The following ARHGAP20 variants were observed in gnomAD, a reference collection of about 807,000 sequenced individuals.
ARHGAP20 encodes rho GTPase-activating protein 20.
In ARHGAP20, 34 loss-of-function variants were observed where a neutral mutation model predicts 73.7. The ratio of observed to expected loss-of-function variants is 0.46; its 90% CI spans 0.35 to 0.61. The LOEUF (loss-of-function observed/expected upper bound fraction) is 0.61, where lower values mean the gene tolerates loss of function less well. Among genes scored for constraint, ARHGAP20 ranks in the 20% least tolerant of loss-of-function variants. The pLI, the probability that ARHGAP20 is intolerant of heterozygous loss-of-function variation, is 0.00. For synonymous variants in ARHGAP20, 523 were observed against 518.2 expected (o/e 1.01, Z -0.13); for missense variants, 1,314 against 1,420.9 (o/e 0.92, Z 1.21).
chr11:110,639,320 C>A (rs1032505674), intron 2 of ARHGAP20, among the ~76,000 whole-genome samples: 2 of 151,140 alleles, frequency 1.3e-5, no homozygotes, highest in Non-Finnish European at 3.0e-5. Flanking sequence ...CTTCTTTACT[C>A]TGTCTACTGA....
chr11:110,644,944 A>C (rs560251752), intron 2 of ARHGAP20, among the ~76,000 whole-genome samples: 1 of 152,228 alleles, frequency 6.6e-6, no homozygotes, highest in South Asian at 2.1e-4. Flanking sequence ...ATCAACAAAC[A>C]AAATCAAATA....
intron 2 of ARHGAP20, among the ~76,000 whole-genome samples, chr11:110,638,315 C>T (rs1360809469): frequency 6.6e-6 from 1 of 151,702 alleles, no homozygotes; most frequent in Non-Finnish European, 1.5e-5. Context: ...TATCTATAAG[C>T]AAATATTCAA....
At position 110,614,598 on chromosome 11, in the gene ARHGAP20, AG is replaced by A. The variant is rs1948443382; in HGVS notation, c.592del (p.Leu198SerfsTer17). On this transcript the variant is annotated frameshift_variant, in exon 6 of 15. Transcript: ENST00000683387. LOFTEE classifies it high-confidence loss of function. ...KEKDYPKSIPLKIFAKDIGNC... is the reference protein window; with the variant it reads ...KEKDYPKSIPXKIFAKDIGNC... ...CCCAATGTCCTTGGCGAAGATTTTGAGGGGAATGCTCTTCGGGTAGTCCTTT... is the reference window on the plus strand; with the variant it reads ...CCCAATGTCCTTGGCGAAGATTTTGAGGGAATGCTCTTCGGGTAGTCCTTT... 1 of 1,613,014 alleles carries A rather than the reference AG, an allele frequency of 6.2e-7. No individual in the cohort carries two copies. Among genetic ancestry groups the A allele is most frequent in the Non-Finnish European group, 8.5e-7 (1 of 1,179,602 alleles).
chr11:110,676,865 CATG>C (rs535766280), intron 2 of ARHGAP20, among the ~76,000 whole-genome samples: 65 of 151,726 alleles, frequency 4.3e-4, no homozygotes, highest in African/African-American at 1.5e-3. Context: ...TGGTGTATAA[CATG>C]ATATTTTGAT....
At chr11:110,651,159 G>A (rs1025340051) in intron 2 of ARHGAP20, among the ~76,000 whole-genome samples, 1 of 152,124 alleles carries the variant, frequency 6.6e-6, no homozygotes, top group Admixed American at 6.6e-5. Flanking sequence ...ATGAAATTGA[G>A]GCAGAATCAA....
chr11:110,640,638 A>T (rs1338477926), intron 2 of ARHGAP20, among the ~76,000 whole-genome samples: 1 of 152,014 alleles, frequency 6.6e-6, no homozygotes, highest in Non-Finnish European at 1.5e-5. Context: ...AGAAAGTACT[A>T]TTACATTCTA....
intron 2 of ARHGAP20, among the ~76,000 whole-genome samples, chr11:110,635,593 A>G (rs1171147182): frequency 1.3e-5 from 2 of 152,112 alleles, no homozygotes; most frequent in Non-Finnish European, 2.9e-5. Flanking sequence ...TACCCCTTTC[A>G]AGAAGCGAAG....
intron 1 of ARHGAP20, chr11:110,690,881 T>C: frequency 9.0e-7 from 1 of 1,108,908 alleles, no homozygotes; most frequent in South Asian, 1.6e-5. Context: ...AGGTTAAATG[T>C]TTACCAGAAT....
At chr11:110,683,678 A>C (rs1046811750) in intron 2 of ARHGAP20, among the ~76,000 whole-genome samples, 6 of 152,172 alleles carry the variant, frequency 3.9e-5, no homozygotes, top group African/African-American at 1.4e-4. Flanking sequence ...TATGCCCCAT[A>C]AATATGTACA....
chr11:110,629,069 T>C (rs1480449174), intron 3 of ARHGAP20, among the ~76,000 whole-genome samples: 1 of 152,198 alleles, frequency 6.6e-6, no homozygotes, highest in Non-Finnish European at 1.5e-5. Flanking sequence ...AAATACATTC[T>C]TCCCTAAGAG....
At chr11:110,590,367 C>A (rs1194749750) in intron 11 of ARHGAP20, among the ~76,000 whole-genome samples, 5 of 152,042 alleles carry the variant, frequency 3.3e-5, no homozygotes, top group African/African-American at 4.8e-5. Context: ...TTTAAACTTA[C>A]AATTTTTATT....
At chr11:110,657,920 GAGGAAGGA>G (rs3044293) in intron 2 of ARHGAP20, among the ~76,000 whole-genome samples, 35,714 of 133,974 alleles carry the variant, frequency 0.27, 4,707 homozygotes, top group South Asian at 0.36. Context: ...AAAAGAGAGA[GAGGAAGGA>G]AGGAAGGAAG....
chr11:110,591,902 G>T, intron 10 of ARHGAP20, 75 bp downstream of exon 10: 1 of 1,461,730 alleles, frequency 6.8e-7, no homozygotes, highest in Non-Finnish European at 9.3e-7. Context: ...TCCATTTGGG[G>T]ACAGATTTAC....
In ARHGAP20 at chr11:110,693,860, G is replaced by A. The variant is rs1469295433; in HGVS notation, c.106-3231C>T. 2.0e-5 allele frequency among the ~76,000 whole-genome samples: 3 copies of A among 151,792 alleles called. No homozygotes were observed. In the South Asian group the frequency reaches 6.2e-4, roughly 31 times the overall value. On this transcript the variant is annotated intron_variant, in intron 1 of 14. Transcript: ENST00000683387. ...CAAATTTCACAGTTGTTCTGTGACAGGGATAACTATAATTATTTGCTTCAC... is the reference window on the plus strand; with the variant it reads ...CAAATTTCACAGTTGTTCTGTGACAAGGATAACTATAATTATTTGCTTCAC...
intron 4 of ARHGAP20, 110 bp downstream of exon 4, chr11:110,624,052 T>G (rs1198599239): frequency 1.5e-6 from 2 of 1,369,230 alleles, no homozygotes; most frequent in Non-Finnish European, 2.0e-6. Flanking sequence ...ATAAAATATT[T>G]CCCTCTTAAA....
At chr11:110,674,470 C>T (rs186163189) in intron 2 of ARHGAP20, among the ~76,000 whole-genome samples, 172 of 152,248 alleles carry the variant, frequency 1.1e-3, no homozygotes, top group Non-Finnish European at 2.1e-3. Context: ...AAATCCCATA[C>T]TTGATCTCAT....
At chr11:110,632,913 T>C (rs1565449344) in intron 2 of ARHGAP20, among the ~76,000 whole-genome samples, 1 of 151,934 alleles carries the variant, frequency 6.6e-6, no homozygotes, top group Admixed American at 6.5e-5. Flanking sequence ...TTTTGGAAAA[T>C]ATTTTCTCCT....
At chr11:110,704,003 G>GC (rs531382382) in intron 1 of ARHGAP20, among the ~76,000 whole-genome samples, 158 of 152,284 alleles carry the variant, frequency 1.0e-3, no homozygotes, top group African/African-American at 3.6e-3. Context: ...AGACACAACC[G>GC]CAACAGTTGG....
chr11:110,711,005 CA>C (rs11461759), intron 1 of ARHGAP20, among the ~76,000 whole-genome samples: 292 of 82,468 alleles, frequency 3.5e-3, no homozygotes, highest in African/African-American at 5.6e-3. Flanking sequence ...TAAGACAAGG[CA>C]AAAAAAAAAA....
Sources: allele counts gnomAD v4.1 joint callset (sites outside exome capture counted in the v4.1 genomes callset), GRCh38; gene constraint gnomAD v4.1.1; transcripts MANE v1.5; gene names NCBI Gene and HGNC (gene_info 2026-07-23, HGNC 2026-07-21).